OR10G6: variants seen among roughly 807,000 people sequenced by gnomAD.
OR10G6 encodes olfactory receptor family 10 subfamily G member 6.
rs779537629 is a variant in OR10G6, at chr11:123,994,438, T to C, written c.724A>G (p.Ile242Val). The change falls in exon 1 of 1, where the codon ATT (isoleucine) becomes GTT (valine). Residue 242 changes from isoleucine (I) to valine (V), a missense_variant. Coordinates refer to ENST00000307002, the MANE Select transcript of OR10G6 (RefSeq NM_001355219.1). ...FMLILTSYGYIVAAILRIPSA... is the reference protein window; with the variant it reads ...FMLILTSYGYVVAAILRIPSA... ...GGAATTCGCAGGATGGCAGCTACAA[T>C]ATAGCCATAGGAAGTGAGGATGAGC... 1.8e-5 allele frequency: 7 copies of C among 399,130 alleles called. No individual in the cohort carries two copies. The highest frequency in any genetic ancestry group is 4.4e-5 in the Admixed American group (1 of 22,710). The allele number at this position is 399,130 out of a possible 1,614,324, so 24.7% of individuals were successfully genotyped here. A position where few individuals can be genotyped will look rare whatever the true frequency, so the allele number is the denominator to read the frequency against.
chr11:123,994,267 CAG>C lies in OR10G6; in HGVS notation c.893_894del (p.Thr298SerfsTer7), dbSNP rs777592893. ...ATGGAGTTAAGCAAGGGAGTGATGA[CAG>C]TGTAAAAGACAGCTACCACCCCATC... ...PLDGVVAVFY[T>X]VITPLLNSII... On this transcript the variant is annotated frameshift_variant, in exon 1 of 1. Coordinates refer to ENST00000307002, the MANE Select transcript of OR10G6 (RefSeq NM_001355219.1). LOFTEE classifies it high-confidence loss of function. 4.5e-5 allele frequency: 18 copies of C among 398,884 alleles called. No individual in the cohort carries two copies. In the South Asian group the frequency reaches 2.0e-3, roughly 45 times the overall value. The allele number at this position is 398,884 out of a possible 1,614,324, so 24.7% of individuals were successfully genotyped here. A position where few individuals can be genotyped will look rare whatever the true frequency, so the allele number is the denominator to read the frequency against.
At position 123,994,363 on chromosome 11, in the gene OR10G6, T is replaced by A; in HGVS notation, c.799A>T (p.Thr267Ser). ...NAFSTCAAHL[T>S]VVIVYYVPCT... Reference sequence around the variant, plus strand: ...GGCACATAGTAAACAATGACAACAGTGAGGTGGGCAGCACAAGTGGAGAAG... The same window carrying A: ...GGCACATAGTAAACAATGACAACAGAGAGGTGGGCAGCACAAGTGGAGAAG... Residue 267 changes from threonine (T) to serine (S), a missense_variant, in exon 1 of 1, where the codon ACT becomes TCT. By Grantham distance (58) the Thr-to-Ser change is moderately conservative. Coordinates refer to ENST00000307002, the MANE Select transcript of OR10G6 (RefSeq NM_001355219.1). 2.5e-6 allele frequency: 1 copy of A among 399,206 alleles called. No individual in the cohort carries two copies. The highest frequency in any genetic ancestry group is 1.3e-4 in the South Asian group (1 of 7,826). 24.7% of individuals were successfully genotyped at this position (399,206 alleles called of 1,614,324 possible).
rs774789655 is a variant in OR10G6 at position 123,994,253 on chromosome 11, C to A, written c.909G>T (p.Leu303Phe). The A allele has an allele frequency of 2.0e-5, 8 of 399,012 alleles. No individual in the cohort carries two copies. The highest frequency in any genetic ancestry group is 3.5e-5 in the Non-Finnish European group (8 of 226,186). 24.7% of individuals were successfully genotyped at this position (399,012 alleles called of 1,614,324 possible). Residue 303 changes from leucine (L) to phenylalanine (F), a missense_variant, in exon 1 of 1, where the codon TTG becomes TTT. Physicochemically the swap from Leu to Phe is conservative, Grantham distance 22 (BLOSUM62 0). Transcript: ENST00000307002. ...VAVFYTVITP[L>F]LNSIIYTLCN... ...ACAGTGTGTAGATGATGGAGTTAAG[C>A]AAGGGAGTGATGACAGTGTAAAAGA...
At position 123,994,548 on chromosome 11, in the gene OR10G6, A is replaced by G. The variant is rs980943009; in HGVS notation, c.614T>C (p.Met205Thr). 2.0e-5 allele frequency: 8 copies of G among 399,156 alleles called. No homozygotes were observed. The highest frequency in any genetic ancestry group is 1.8e-4 in the Admixed American group (4 of 22,720). The allele number at this position is 399,156 out of a possible 1,614,324, so 24.7% of individuals were successfully genotyped here. ...VDYIFCDIPA[M>T]LRLACADTAI... The stretch of plus-strand genomic sequence containing the variant: ...CGTATCGGCGCAGGCTAGACGCAGC[A>G]TGGCAGGAATGTCACAGAAGATGTA... The change falls in exon 1 of 1, where the codon ATG (methionine) becomes ACG (threonine). Residue 205 changes from methionine (M) to threonine (T), a missense_variant. Coordinates refer to ENST00000307002, the MANE Select transcript of OR10G6 (RefSeq NM_001355219.1).
At position 123,994,635 on chromosome 11, in the gene OR10G6, T is replaced by C. The variant is rs544301349; in HGVS notation, c.527A>G (p.His176Arg). The change falls in exon 1 of 1, where the codon CAT becomes CGT. Residue 176 changes from histidine (H) to arginine (R), a missense_variant. His to Arg is a conservative substitution (Grantham distance 29). Transcript: ENST00000307002. The stretch of plus-strand genomic sequence containing the variant: ...TACAAAACTTGTTTGGAAAAGTGAA[T>C]GGATAGTCCCTCCCAGCCAGGTGCC... ...ALGTWLGGTI[H>R]SLFQTSFVFR... 2 of 399,230 alleles carry C rather than the reference T, an allele frequency of 5.0e-6. No individual in the cohort carries two copies. Among genetic ancestry groups the C allele is most frequent in the East Asian group, 3.6e-5 (1 of 28,058 alleles). The allele number at this position is 399,230 out of a possible 1,614,324, so 24.7% of individuals were successfully genotyped here.
At position 123,994,984 on chromosome 11, in the gene OR10G6, C is replaced by T; in HGVS notation, c.178G>A (p.Val60Ile). 5.0e-6 allele frequency: 2 copies of T among 399,214 alleles called. No homozygotes were observed. Among genetic ancestry groups the T allele is most frequent in the Non-Finnish European group, 8.8e-6 (2 of 226,178 alleles). 24.7% of individuals were successfully genotyped at this position (399,214 alleles called of 1,614,324 possible). The change falls in exon 1 of 1, where the codon GTT becomes ATT. Residue 60 changes from valine to isoleucine, a missense_variant. Val to Ile is a conservative substitution (Grantham distance 29). Transcript: ENST00000307002. ...AGGATGATGAGCCCATTTCCAGAAA[C>T]AGTGAGGAGATAGATGACAAGGAAA... The part of the protein sequence containing the change: ...LAFLVIYLLT[V>I]SGNGLIILTV...
chr11:123,994,386 A>T lies in OR10G6; in HGVS notation c.776T>A (p.Phe259Tyr). The stretch of plus-strand genomic sequence containing the variant: ...AGTGAGGTGGGCAGCACAAGTGGAG[A>T]AGGCATTGCGGCGCCCATCTGCTGA... ...IPSADGRRNAFSTCAAHLTVV... is the reference protein window; with the variant it reads ...IPSADGRRNAYSTCAAHLTVV... The change falls in exon 1 of 1, where the codon TTC (phenylalanine) becomes TAC (tyrosine). Residue 259 changes from phenylalanine (F) to tyrosine (Y), a missense_variant. Physicochemically the swap from Phe to Tyr is conservative, Grantham distance 22 (BLOSUM62 3). Coordinates refer to ENST00000307002, the MANE Select transcript of OR10G6 (RefSeq NM_001355219.1). The T allele has an allele frequency of 5.0e-6, 2 of 399,436 alleles. No homozygotes were observed. Among genetic ancestry groups the T allele is most frequent in the Non-Finnish European group, 4.4e-6 (1 of 226,210 alleles). 24.7% of individuals were successfully genotyped at this position (399,436 alleles called of 1,614,324 possible).
chr11:123,994,335 C>A lies in OR10G6; in HGVS notation c.827G>T (p.Cys276Phe). The change falls in exon 1 of 1, where the codon TGC becomes TTC. Residue 276 changes from cysteine to phenylalanine, a missense_variant. By Grantham distance (205) the Cys-to-Phe change is radical. Transcript: ENST00000307002. The stretch of plus-strand genomic sequence containing the variant: ...ACAAGGCCGCAGGTAAATGAAGGTG[C>A]AGGGCACATAGTAAACAATGACAAC... ...LTVVIVYYVP[C>F]TFIYLRPCSQ... The A allele has an allele frequency of 5.0e-6, 2 of 399,328 alleles. No individual in the cohort carries two copies. Among genetic ancestry groups the A allele is most frequent in the Non-Finnish European group, 8.8e-6 (2 of 226,188 alleles). 24.7% of individuals were successfully genotyped at this position (399,328 alleles called of 1,614,324 possible). A position where few individuals can be genotyped will look rare whatever the true frequency, so the allele number is the denominator to read the frequency against.
Position 123,995,076 on chromosome 11 carries a change from G to C in OR10G6, c.86C>G (p.Ser29Cys), listed in dbSNP as rs1026479567. 3 of 398,974 alleles carry C rather than the reference G, an allele frequency of 7.5e-6. No homozygotes were observed. Among genetic ancestry groups the C allele is most frequent in the Non-Finnish European group, 1.3e-5 (3 of 226,108 alleles). 24.7% of individuals were successfully genotyped at this position (398,974 alleles called of 1,614,324 possible). Residue 29 changes from serine to cysteine, a missense_variant, in exon 1 of 1, where the codon TCT becomes TGT. By Grantham distance (112) the Ser-to-Cys change is moderately radical. Coordinates refer to ENST00000307002, the MANE Select transcript of OR10G6 (RefSeq NM_001355219.1). ...GCCCACCAAAATGAAGTGAGACACAGAAGTCTGGTTTCCACTTTGCAGTTC... is the reference window on the plus strand; with the variant it reads ...GCCCACCAAAATGAAGTGAGACACACAAGTCTGGTTTCCACTTTGCAGTTC... ...SKELQSGNQT[S>C]VSHFILVGLH...
chr11:123,994,182 T>C lies in OR10G6; in HGVS notation c.980A>G (p.Lys327Arg), dbSNP rs866808093. 1 of 399,190 alleles carries C rather than the reference T, an allele frequency of 2.5e-6. No individual in the cohort carries two copies. Among genetic ancestry groups the C allele is most frequent in the Non-Finnish European group, 4.4e-6 (1 of 226,166 alleles). The allele number at this position is 399,190 out of a possible 1,614,324, so 24.7% of individuals were successfully genotyped here. ...KAALQRLGGH[K>R]EVQPH ...ATGAAGTCAGTGAGGCTGCACTTCC[T>C]TGTGGCCCCCTAGCCTCTGTAATGC... Residue 327 changes from lysine to arginine, a missense_variant, in exon 1 of 1, where the codon AAG becomes AGG. Coordinates refer to ENST00000307002, the MANE Select transcript of OR10G6 (RefSeq NM_001355219.1).
chr11:123,994,324 A>C lies in OR10G6; in HGVS notation c.838T>G (p.Tyr280Asp), dbSNP rs1863853077. Reference protein sequence around the residue: ...IVYYVPCTFIYLRPCSQEPLD... With the variant: ...IVYYVPCTFIDLRPCSQEPLD... ...GGCTCCTGTGAACAAGGCCGCAGGT[A>C]AATGAAGGTGCAGGGCACATAGTAA... The change falls in exon 1 of 1, where the codon TAC (tyrosine) becomes GAC (aspartate). Residue 280 changes from tyrosine (Y) to aspartate (D), a missense_variant. Tyr to Asp is a radical substitution (Grantham distance 160). Transcript: ENST00000307002. 1 of 399,292 alleles carries C rather than the reference A, an allele frequency of 2.5e-6. No homozygotes were observed. The highest frequency in any genetic ancestry group is 2.1e-5 in the African/African-American group (1 of 48,666). The allele number at this position is 399,292 out of a possible 1,614,324, so 24.7% of individuals were successfully genotyped here. A position where few individuals can be genotyped will look rare whatever the true frequency, so the allele number is the denominator to read the frequency against.
rs756373697 is a variant in OR10G6 at position 123,994,531 on chromosome 11, C to T, written c.631G>A (p.Ala211Thr). ...ACCAGCTCGTTGATGGCCGTATCGG[C>T]GCAGGCTAGACGCAGCATGGCAGGA... ...DIPAMLRLAC[A>T]DTAINELVTF... The change falls in exon 1 of 1, where the codon GCC becomes ACC. Residue 211 changes from alanine to threonine, a missense_variant. Physicochemically the swap from Ala to Thr is moderately conservative, Grantham distance 58 (BLOSUM62 0). Transcript: ENST00000307002. 1.2e-4 allele frequency: 46 copies of T among 399,104 alleles called. No homozygotes were observed. The highest frequency in any genetic ancestry group is 1.7e-4 in the Non-Finnish European group (39 of 226,242). The allele number at this position is 399,104 out of a possible 1,614,324, so 24.7% of individuals were successfully genotyped here. A position where few individuals can be genotyped will look rare whatever the true frequency, so the allele number is the denominator to read the frequency against.
chr11:123,994,750 G>A lies in OR10G6; in HGVS notation c.412C>T (p.Leu138Phe), dbSNP rs764367107. The A allele has an allele frequency of 5.0e-6, 2 of 399,338 alleles. No individual in the cohort carries two copies. Among genetic ancestry groups the A allele is most frequent in the Non-Finnish European group, 8.8e-6 (2 of 226,250 alleles). 24.7% of individuals were successfully genotyped at this position (399,338 alleles called of 1,614,324 possible). A position where few individuals can be genotyped will look rare whatever the true frequency, so the allele number is the denominator to read the frequency against. The change falls in exon 1 of 1, where the codon CTC becomes TTC. Residue 138 changes from leucine to phenylalanine, a missense_variant. Physicochemically the swap from Leu to Phe is conservative, Grantham distance 22 (BLOSUM62 0). Transcript: ENST00000307002. ...GCAAGGAAACGGTCATAAGCCATGA[G>A]TGTGTAAAGGAAGCACTCAGTACAG... The part of the protein sequence containing the change: ...LGCTECFLYT[L>F]MAYDRFLAIC...
In OR10G6 at chr11:123,995,070, G is replaced by A. The variant is rs1863859547; in HGVS notation, c.92C>T (p.Ser31Phe). The change falls in exon 1 of 1, where the codon TCT becomes TTT. Residue 31 changes from serine to phenylalanine, a missense_variant. Coordinates refer to ENST00000307002, the MANE Select transcript of OR10G6 (RefSeq NM_001355219.1). ...GTGCAGGCCCACCAAAATGAAGTGA[G>A]ACACAGAAGTCTGGTTTCCACTTTG... Reference protein sequence around the residue: ...ELQSGNQTSVSHFILVGLHHP... With the variant: ...ELQSGNQTSVFHFILVGLHHP... 2.5e-6 allele frequency: 1 copy of A among 398,958 alleles called. No individual in the cohort carries two copies. Among genetic ancestry groups the A allele is most frequent in the Non-Finnish European group, 4.4e-6 (1 of 226,110 alleles). 24.7% of individuals were successfully genotyped at this position (398,958 alleles called of 1,614,324 possible).
chr11:123,994,764 C>A lies in OR10G6; in HGVS notation c.398G>T (p.Cys133Phe), dbSNP rs143674145. The A allele has an allele frequency of 7.8e-4, 312 of 399,416 alleles. 2 individuals carry two copies. The East Asian group carries it at 8.0e-3, about 10-fold the overall frequency. The allele number at this position is 399,416 out of a possible 1,614,324, so 24.7% of individuals were successfully genotyped here. ...FSFHFLGCTE[C>F]FLYTLMAYDR... ...ATAAGCCATGAGTGTGTAAAGGAAG[C>A]ACTCAGTACAGCCCAGGAAATGGAA... Residue 133 changes from cysteine to phenylalanine, a missense_variant, in exon 1 of 1, where the codon TGC becomes TTC. Physicochemically the swap from Cys to Phe is radical, Grantham distance 205. Coordinates refer to ENST00000307002, the MANE Select transcript of OR10G6 (RefSeq NM_001355219.1).
chr11:123,994,838 C>A lies in OR10G6; in HGVS notation c.324G>T (p.Leu108Phe). The change falls in exon 1 of 1, where the codon TTG becomes TTT. Residue 108 changes from leucine (L) to phenylalanine (F), a missense_variant. Coordinates refer to ENST00000307002, the MANE Select transcript of OR10G6 (RefSeq NM_001355219.1). ...IVPKMLAGFL[L>F]GSRIISFGGC... ...CCCCAAAGGAGATAATCCTACTACC[C>A]AAGAGAAAGCCAGCCAGCATCTTGG... 2.5e-6 allele frequency: 1 copy of A among 399,302 alleles called. No individual in the cohort carries two copies. 24.7% of individuals were successfully genotyped at this position (399,302 alleles called of 1,614,324 possible).
In OR10G6 at chr11:123,994,514, G is replaced by A. The variant is rs1261580273; in HGVS notation, c.648C>T (p.Asn216=). The A allele has an allele frequency of 7.5e-6, 3 of 399,298 alleles. No homozygotes were observed. In the East Asian group the frequency reaches 1.1e-4, roughly 14 times the overall value. The allele number at this position is 399,298 out of a possible 1,614,324, so 24.7% of individuals were successfully genotyped here. A position where few individuals can be genotyped will look rare whatever the true frequency, so the allele number is the denominator to read the frequency against. ...CAATGTCTGCAAAGGTGACCAGCTC[G>A]TTGATGGCCGTATCGGCGCAGGCTA... ...LRLACADTAI[N]ELVTFADIGF... The change falls in exon 1 of 1, where the codon AAC becomes AAT. Residue 216 remains asparagine (N), a synonymous_variant. Transcript: ENST00000307002.
rs1261632011 is a variant in OR10G6 at position 123,994,526 on chromosome 11, A to G, written c.636T>C (p.Asp212=). The change falls in exon 1 of 1, where the codon GAT becomes GAC. Residue 212 remains aspartate (D), a synonymous_variant. Transcript: ENST00000307002. The part of the protein sequence containing the change: ...IPAMLRLACA[D]TAINELVTFA... ...AGGTGACCAGCTCGTTGATGGCCGTATCGGCGCAGGCTAGACGCAGCATGG... is the reference window on the plus strand; with the variant it reads ...AGGTGACCAGCTCGTTGATGGCCGTGTCGGCGCAGGCTAGACGCAGCATGG... The G allele has an allele frequency of 2.5e-6, 1 of 399,212 alleles. No individual in the cohort carries two copies. Among genetic ancestry groups the G allele is most frequent in the Non-Finnish European group, 4.4e-6 (1 of 226,232 alleles). 24.7% of individuals were successfully genotyped at this position (399,212 alleles called of 1,614,324 possible).
Position 123,994,606 on chromosome 11 carries a change from G to A in OR10G6, c.556C>T (p.Arg186Trp), listed in dbSNP as rs139626090. The change falls in exon 1 of 1, where the codon CGG becomes TGG. Residue 186 changes from arginine to tryptophan, a missense_variant. Transcript: ENST00000307002. ...CGATTGGGGCCACAGAAGGGCAGCC[G>A]GAATACAAAACTTGTTTGGAAAAGT... is the stretch of plus-strand genomic sequence containing the variant. ...HSLFQTSFVF[R>W]LPFCGPNRVD... 403 of 399,442 alleles carry A rather than the reference G, an allele frequency of 1.0e-3. 3 individuals are homozygous for A. Among genetic ancestry groups the A allele is most frequent in the African/African-American group, 6.4e-3 (314 of 48,732 alleles). 24.7% of individuals were successfully genotyped at this position (399,442 alleles called of 1,614,324 possible).
Sources: gnomAD v4.1 joint callset for allele counts on GRCh38, gnomAD v4.1.1 for gene constraint, MANE v1.5 for transcripts, NCBI Gene and HGNC (gene_info 2026-07-23, HGNC 2026-07-21) for gene names.